Variants in BLOC1S3 observed in about 807,000 individuals in gnomAD.
The protein encoded by BLOC1S3 is biogenesis of lysosome-related organelles complex 1 subunit 3.
A neutral mutation model predicts 9.1 loss-of-function variants in BLOC1S3; 7 were observed. That is an observed-to-expected ratio of 0.77 (90% CI 0.44 to 1.45). The LOEUF (loss-of-function observed/expected upper bound fraction) is 1.45. Ranked by LOEUF, BLOC1S3 falls within the 40% of genes most tolerant of loss-of-function variation. The pLI, the probability that BLOC1S3 is intolerant of heterozygous loss-of-function variation, is 0.01. For synonymous variants in BLOC1S3, 145 were observed against 158.4 expected, an observed-to-expected ratio of 0.92 and a Z score of 0.64; for missense variants, 307 against 315.2, an observed-to-expected ratio of 0.97 and a Z score of 0.20.
intron 2 of BLOC1S3, among the ~76,000 whole-genome samples, chr19:45,193,841 C>T (rs1026549592): frequency 7.8e-5 from 10 of 128,982 alleles, no homozygotes; most frequent in Admixed American, 2.6e-4. Flanking sequence ...CTTGCCCTGT[C>T]GCCCAGGCTG....
At chr19:45,212,899 G>A (rs572206227) in intron 3 of BLOC1S3, 170 of 711,878 alleles carry the variant, frequency 2.4e-4, no homozygotes, top group Non-Finnish European at 3.2e-4. Context: ...CGTGCCTGGC[G>A]TTTGTTTCCC....
chr19:45,188,341 AT>A (rs147971698), intron 2 of BLOC1S3, among the ~76,000 whole-genome samples: 8,389 of 150,568 alleles, frequency 0.056, 393 homozygotes, highest in African/African-American at 0.13. Flanking sequence ...CCTTTTCGTT[AT>A]TTTTTTTCTT....
intron 2 of BLOC1S3, among the ~76,000 whole-genome samples, chr19:45,194,404 C>T (rs574772176): frequency 1.1e-4 from 16 of 152,192 alleles, no homozygotes; most frequent in Non-Finnish European, 1.5e-4. Context: ...TGAGCCACCG[C>T]GCCCAGCCAA....
intron 2 of BLOC1S3, among the ~76,000 whole-genome samples, chr19:45,199,715 G>C (rs1335861801): frequency 6.7e-6 from 1 of 150,030 alleles, no homozygotes; most frequent in Non-Finnish European, 1.5e-5. Context: ...CTTCTCTTCT[G>C]TTCTCTTCTC....
At chr19:45,215,305 G>A (rs1467050245) in intron 3 of BLOC1S3, among the ~76,000 whole-genome samples, 3 of 151,992 alleles carry the variant, frequency 2.0e-5, no homozygotes, top group African/African-American at 7.2e-5. Flanking sequence ...ACCCATCTCT[G>A]CAAAAAATAC....
At chr19:45,211,670 TCAGGA>T (rs1182335166) in intron 3 of BLOC1S3, among the ~76,000 whole-genome samples, 4 of 137,376 alleles carry the variant, frequency 2.9e-5, no homozygotes, top group African/African-American at 4.9e-5. Context: ...CTGCCTCGGG[TCAGGA>T]AGCACAGCCT....
chr19:45,197,573 C>T lies in BLOC1S3; in HGVS notation n.181-4833C>T, dbSNP rs191613020. 1.6e-4 allele frequency among the ~76,000 whole-genome samples: 24 copies of T among 151,662 alleles called. No individual in the cohort carries two copies. In the East Asian group the frequency reaches 3.7e-3, roughly 23 times the overall value. ...TGGGTGTGGTGGCTCCCCCTGTGATCCTAGCACGTTGGGAGGCCGAGGCGG... is the reference window on the plus strand; with the variant it reads ...TGGGTGTGGTGGCTCCCCCTGTGATTCTAGCACGTTGGGAGGCCGAGGCGG... On this transcript the variant is annotated intron_variant and non_coding_transcript_variant, in intron 2 of 3. Transcript: ENST00000591569.
chr19:45,184,389 T>G (rs545579243), downstream of BLOC1S3, among the ~76,000 whole-genome samples: 3 of 152,250 alleles, frequency 2.0e-5, no homozygotes, highest in South Asian at 6.2e-4. Flanking sequence ...AAGCACTGAT[T>G]GAGCCCAGGA....
chr19:45,188,270 G>C (rs1969580430), intron 2 of BLOC1S3, among the ~76,000 whole-genome samples: 1 of 152,120 alleles, frequency 6.6e-6, no homozygotes, highest in African/African-American at 2.4e-5. Context: ...TGATCTGCCT[G>C]CCTCAGCCTC....
chr19:45,212,197 G>A (rs1297579664), intron 3 of BLOC1S3, among the ~76,000 whole-genome samples: 6 of 152,222 alleles, frequency 3.9e-5, no homozygotes, highest in African/African-American at 4.8e-5. Flanking sequence ...CACACAGCCA[G>A]GAGGTGTACA....
intron 2 of BLOC1S3, among the ~76,000 whole-genome samples, chr19:45,191,983 C>A (rs565967278): frequency 4.1e-4 from 63 of 152,302 alleles, no homozygotes; most frequent in Non-Finnish European, 6.6e-4. Flanking sequence ...GACGGCAAAT[C>A]CAGCCAGGCT....
In BLOC1S3 at chr19:45,207,574, A is replaced by C. The variant is rs1399257996; in HGVS notation, n.282+5067A>C. ...CTGTCTCAAAAAAAAAAAAAAAAAA[A>C]AAAAAAAAAAAACCTAGCTGGGCGT... On this transcript the variant is annotated intron_variant and non_coding_transcript_variant, in intron 3 of 3. Coordinates refer to the BLOC1S3 transcript ENST00000591569. Among the ~76,000 whole-genome samples the C allele has an allele frequency of 3.8e-4, 57 of 149,442 alleles. 1 individual carries two copies. Among genetic ancestry groups the C allele is most frequent in the Admixed American group, 7.3e-4 (11 of 14,986 alleles).
chr19:45,199,409 G>A (rs1438035427), intron 2 of BLOC1S3, among the ~76,000 whole-genome samples: 3 of 145,412 alleles, frequency 2.1e-5, no homozygotes, highest in African/African-American at 5.1e-5. Context: ...TCCGCCTCCC[G>A]GGTTCAAGCA....
intron 2 of BLOC1S3, among the ~76,000 whole-genome samples, chr19:45,195,056 G>A (rs144426681): frequency 2.6e-5 from 4 of 151,522 alleles, no homozygotes; most frequent in Non-Finnish European, 5.9e-5. Context: ...CCAGCCTCCC[G>A]GTAGATGGGA....
intron 3 of BLOC1S3, among the ~76,000 whole-genome samples, chr19:45,204,935 T>A (rs909863566): frequency 6.6e-6 from 1 of 151,890 alleles, no homozygotes; most frequent in Non-Finnish European, 1.5e-5. Context: ...GGTTTCTCCA[T>A]GTTTGCTAGG....
chr19:45,204,186 C>CCTT (rs1568475845), intron 3 of BLOC1S3, among the ~76,000 whole-genome samples: 1 of 121,606 alleles, frequency 8.2e-6, no homozygotes. Flanking sequence ...TTTGTTTTGC[C>CCTT]TTTTTTTTTT....
chr19:45,199,525 A>C (rs536778480), intron 2 of BLOC1S3, among the ~76,000 whole-genome samples: 1 of 151,888 alleles, frequency 6.6e-6, no homozygotes, highest in Non-Finnish European at 1.5e-5. Context: ...CATGTTGGCC[A>C]GGATGGTCTC....
At chr19:45,205,266 A>G (rs1969718656) in intron 3 of BLOC1S3, among the ~76,000 whole-genome samples, 2 of 151,990 alleles carry the variant, frequency 1.3e-5, no homozygotes, top group African/African-American at 4.8e-5. Context: ...CCCGGGTTCA[A>G]GCAATTCTCC....
At chr19:45,195,638 A>G (rs926216135) in intron 2 of BLOC1S3, among the ~76,000 whole-genome samples, 2 of 126,320 alleles carry the variant, frequency 1.6e-5, no homozygotes, top group African/African-American at 3.0e-5. Flanking sequence ...CTTGTTGGCC[A>G]GGCTGGAGTG....
Sources: gnomAD v4.1 joint callset for allele counts (sites outside exome capture counted in the v4.1 genomes callset) on GRCh38, gnomAD v4.1.1 for gene constraint, MANE v1.5 for transcripts, NCBI Gene and HGNC (gene_info 2026-07-23, HGNC 2026-07-21) for gene names.